The following NCAM2 variants were observed in gnomAD, a reference collection of about 807,000 sequenced individuals.
The protein encoded by NCAM2 is neural cell adhesion molecule 2, also known as N-CAM-2.
NCAM2 carries 30 observed loss-of-function variants against 98.1 expected under a neutral mutation model. That is an observed-to-expected ratio of 0.31 (90% CI 0.23 to 0.41). The LOEUF (loss-of-function observed/expected upper bound fraction) is 0.41. Ranked by LOEUF, NCAM2 falls within the 10% of genes least tolerant of loss-of-function variation. The pLI, the probability that NCAM2 is intolerant of heterozygous loss-of-function variation, is 1.00. For missense variants in NCAM2, 867 were observed against 1,005.8 expected (o/e 0.86, Z 1.87); for synonymous variants, 368 against 342.4 (o/e 1.07, Z -0.83).
Position 21,446,940 on chromosome 21 carries a change from T to C in NCAM2, c.1654+14659T>C, listed in dbSNP as rs867320208. 3.9e-5 allele frequency among the ~76,000 whole-genome samples: 6 copies of C among 152,158 alleles called. No homozygotes were observed. In the South Asian group the frequency reaches 1.2e-3, roughly 32 times the overall value. ...TGGAAAAACATTCCATTCTCATGGA[T>C]AGGAAGAATCAATATTATGAAAATG... On this transcript the variant is annotated intron_variant, in intron 12 of 17. Coordinates refer to ENST00000400546, the MANE Select transcript of NCAM2 (RefSeq NM_004540.5).
At chr21:21,264,203 T>A (rs1183576866) in intron 1 of NCAM2, among the ~76,000 whole-genome samples, 1 of 152,096 alleles carries the variant, frequency 6.6e-6, no homozygotes, top group Admixed American at 6.6e-5. Flanking sequence ...CAGATACCTC[T>A]TAAAAGAAGA....
chr21:21,368,874 A>G (rs1001044821), intron 8 of NCAM2, among the ~76,000 whole-genome samples: 4 of 151,768 alleles, frequency 2.6e-5, no homozygotes, highest in African/African-American at 7.3e-5. Context: ...AAGTGCATCT[A>G]CTTTATTCCT....
chr21:21,159,115 T>G (rs1244480378), intron 1 of NCAM2, among the ~76,000 whole-genome samples: 1 of 152,112 alleles, frequency 6.6e-6, no homozygotes, highest in Non-Finnish European at 1.5e-5. Context: ...GAAAAAATCT[T>G]AAGTATAAAA....
intron 15 of NCAM2, among the ~76,000 whole-genome samples, chr21:21,494,725 A>AGT (rs1244084078): frequency 6.6e-6 from 1 of 151,934 alleles, no homozygotes; most frequent in Non-Finnish European, 1.5e-5. Flanking sequence ...GTGAAATGTC[A>AGT]GTATAGATAA....
chr21:21,066,244 GT>G (rs1384451362), intron 1 of NCAM2, among the ~76,000 whole-genome samples: 1 of 152,154 alleles, frequency 6.6e-6, no homozygotes, highest in Non-Finnish European at 1.5e-5. Context: ...TATGGTCAGA[GT>G]TTCGTCTTTG....
chr21:21,436,196 A>G (rs1198896586), intron 12 of NCAM2, among the ~76,000 whole-genome samples: 2 of 152,226 alleles, frequency 1.3e-5, no homozygotes, highest in Non-Finnish European at 2.9e-5. Context: ...CATATGACAT[A>G]GTTTTGACTG....
chr21:21,269,752 G>T (rs1051934617), intron 1 of NCAM2, among the ~76,000 whole-genome samples: 1 of 152,054 alleles, frequency 6.6e-6, no homozygotes, highest in Non-Finnish European at 1.5e-5. Flanking sequence ...GTGGAAGAGG[G>T]TGTTTTCCTT....
chr21:21,066,335 A>C (rs966161579), intron 1 of NCAM2, among the ~76,000 whole-genome samples: 1 of 152,168 alleles, frequency 6.6e-6, no homozygotes, highest in Non-Finnish European at 1.5e-5. Flanking sequence ...GTATATTAGC[A>C]CATTTAAAAA....
At chr21:21,376,425 T>TAGA in intron 9 of NCAM2, among the ~76,000 whole-genome samples, 1 of 151,936 alleles carries the variant, frequency 6.6e-6, no homozygotes, top group East Asian at 1.9e-4. Context: ...CCTCCTTTAT[T>TAGA]AGAAGTCTAC....
chr21:21,046,960 A>T (rs2065016791), intron 1 of NCAM2, among the ~76,000 whole-genome samples: 1 of 152,200 alleles, frequency 6.6e-6, no homozygotes, highest in African/African-American at 2.4e-5. Context: ...CAGTTATTTT[A>T]TTCTCCCTAA....
intron 16 of NCAM2, among the ~76,000 whole-genome samples, chr21:21,514,662 T>C (rs1488961545): frequency 1.3e-5 from 2 of 152,100 alleles, no homozygotes; most frequent in East Asian, 3.8e-4. Context: ...ACATACAATA[T>C]ACCTGAGTTA....
intron 1 of NCAM2, among the ~76,000 whole-genome samples, chr21:21,082,961 T>C (rs1238934800): frequency 6.6e-6 from 1 of 152,224 alleles, no homozygotes; most frequent in Non-Finnish European, 1.5e-5. Context: ...TTTCTCTTTT[T>C]AGAAATCTGA....
Position 21,508,800 on chromosome 21 carries a change from T to A in NCAM2, c.2078-51T>A, listed in dbSNP as rs558750573. The stretch of plus-strand genomic sequence containing the variant: ...ATTTTCTAATTTAGAGGTTTAATAC[T>A]TTTTTTCCTTTTTTTTTTTTTTTTT... On this transcript the variant is annotated intron_variant, in intron 15 of 17. Coordinates refer to ENST00000400546, the MANE Select transcript of NCAM2 (RefSeq NM_004540.5). 4.4e-4 allele frequency: 511 copies of A among 1,167,000 alleles called. 3 individuals are homozygous for A. In the African/African-American group the frequency reaches 7.9e-3, roughly 18 times the overall value. 72.3% of individuals were successfully genotyped at this position (1,167,000 alleles called of 1,614,324 possible). A position where few individuals can be genotyped will look rare whatever the true frequency, so the allele number is the denominator to read the frequency against.
intron 7 of NCAM2, among the ~76,000 whole-genome samples, chr21:21,337,484 A>C (rs1017236633): frequency 6.6e-6 from 1 of 151,976 alleles, no homozygotes; most frequent in African/African-American, 2.4e-5. Flanking sequence ...CAAGAATGTT[A>C]TTTTCTGAGC....
chr21:21,285,844 A>G (rs2073077559), intron 3 of NCAM2, among the ~76,000 whole-genome samples: 1 of 151,932 alleles, frequency 6.6e-6, no homozygotes, highest in South Asian at 2.1e-4. Flanking sequence ...AGAGATAGAG[A>G]ACCTTGAAAT....
At chr21:21,182,001 TG>T in intron 1 of NCAM2, among the ~76,000 whole-genome samples, 1 of 148,850 alleles carries the variant, frequency 6.7e-6, no homozygotes, top group Non-Finnish European at 1.5e-5. Flanking sequence ...GAGACCAGCC[TG>T]GGCAACATGG....
At chr21:21,410,163 G>T in intron 9 of NCAM2, 111 bp from the exon 10 acceptor site, 1 of 620,748 alleles carries the variant, frequency 1.6e-6, no homozygotes, top group Non-Finnish European at 2.4e-6. Context: ...CACGAAATTA[G>T]AATTATGTGG....
chr21:21,255,121 C>A (rs557434790), intron 1 of NCAM2, among the ~76,000 whole-genome samples: 1 of 152,098 alleles, frequency 6.6e-6, no homozygotes, highest in Admixed American at 6.6e-5. Flanking sequence ...GGTTAAATGT[C>A]GGGATCTCAT....
At chr21:21,503,755 A>G (rs930942896) in intron 15 of NCAM2, among the ~76,000 whole-genome samples, 5 of 151,962 alleles carry the variant, frequency 3.3e-5, no homozygotes, top group African/African-American at 1.2e-4. Context: ...TAGAAAGTCA[A>G]TTTCCAAATT....
Sources: gnomAD v4.1 joint callset for allele counts (sites outside exome capture counted in the v4.1 genomes callset) on GRCh38, gnomAD v4.1.1 for gene constraint, MANE v1.5 for transcripts, NCBI Gene and HGNC (gene_info 2026-07-23, HGNC 2026-07-21) for gene names.